GCLC: variants seen among roughly 807,000 people sequenced by gnomAD.
The protein encoded by GCLC is glutamate-cysteine ligase catalytic subunit.
Under a neutral mutation model 81.5 loss-of-function variants are expected in GCLC, and 30 were observed. That is an observed-to-expected ratio of 0.37 (90% confidence interval 0.28 to 0.50). GCLC has a LOEUF of 0.50. Among genes scored for constraint, GCLC ranks in the 20% least tolerant of loss-of-function variants. The probability of loss-of-function intolerance (pLI) is 0.96; values close to 1 mark genes in which losing one functional copy is unlikely to be tolerated. For synonymous variants in GCLC, 262 were observed against 273.3 expected, an observed-to-expected ratio of 0.96 and a Z score of 0.41; for missense variants, 556 against 777.4, an observed-to-expected ratio of 0.72 and a Z score of 3.39.
rs1215127637 is a variant in GCLC, at chr6:53,538,115, A to G, written c.150+6381T>C. Among the ~76,000 whole-genome samples, 5 of 141,656 alleles carry G rather than the reference A, an allele frequency of 3.5e-5. No homozygotes were observed. In the South Asian group the frequency reaches 9.1e-4, roughly 26 times the overall value. 92.9% of individuals were successfully genotyped at this position (141,656 alleles called of 152,430 possible). On this transcript the variant is annotated intron_variant, in intron 1 of 15. Transcript: ENST00000650454. The stretch of plus-strand genomic sequence containing the variant: ...TCATACACTTATTCATTAATAAGCT[A>G]GGCATTTTCTTTTTTCTTTCCTTTT...
chr6:53,520,871 T>C lies in GCLC; in HGVS notation c.353A>G (p.Asn118Ser). 1 of 1,614,032 alleles carries C rather than the reference T, an allele frequency of 6.2e-7. No homozygotes were observed. The highest frequency in any genetic ancestry group is 8.5e-7 in the Non-Finnish European group (1 of 1,179,842). Residue 118 changes from asparagine to serine, a missense_variant, in exon 3 of 16, where the codon AAT (asparagine) becomes AGT (serine). Coordinates refer to ENST00000650454, the MANE Select transcript of GCLC (RefSeq NM_001498.4). ...TTTTCGCATGTTGGCCTCAACTGTA[T>C]TGAACTCGGACATTGTTCCTCCGTA... ...QPYGGTMSEF[N>S]TVEANMRKRR...
intron 1 of GCLC, among the ~76,000 whole-genome samples, chr6:53,526,468 C>CT (rs562120006): frequency 6.6e-6 from 1 of 152,262 alleles, no homozygotes; most frequent in South Asian, 2.1e-4. Flanking sequence ...TTTTGATACT[C>CT]TACCTTAAGG....
intron 1 of GCLC, among the ~76,000 whole-genome samples, chr6:53,534,218 T>C (rs1369383755): frequency 1.3e-5 from 2 of 152,230 alleles, no homozygotes; most frequent in African/African-American, 4.8e-5. Flanking sequence ...TTTTACCAAA[T>C]ATCCAGTCAC....
At chr6:53,534,550 G>T (rs1188254483) in intron 1 of GCLC, among the ~76,000 whole-genome samples, 1 of 152,004 alleles carries the variant, frequency 6.6e-6, no homozygotes, top group African/African-American at 2.4e-5. Flanking sequence ...CTGCGTATCA[G>T]ATAAGAAAGG....
chr6:53,541,305 G>A (rs1022872260), intron 1 of GCLC, among the ~76,000 whole-genome samples: 3 of 152,188 alleles, frequency 2.0e-5, no homozygotes, highest in Admixed American at 6.5e-5. Flanking sequence ...TAGAACAAGC[G>A]CGGGGGAGAC....
At chr6:53,521,330 T>G (rs982314832) in intron 2 of GCLC, among the ~76,000 whole-genome samples, 1 of 152,050 alleles carries the variant, frequency 6.6e-6, no homozygotes, top group Admixed American at 6.6e-5. Flanking sequence ...AATTTTTGTA[T>G]TTTTAGTAGA....
intron 1 of GCLC, among the ~76,000 whole-genome samples, chr6:53,527,830 A>C (rs189609533): frequency 5.7e-4 from 86 of 152,076 alleles, no homozygotes; most frequent in Non-Finnish European, 1.1e-3. Context: ...ATAAAATTCA[A>C]CCTCCCATAG....
rs763523019 is a variant in GCLC at position 53,506,999 on chromosome 6, C to T, written c.1111G>A (p.Val371Ile). 1.1e-5 allele frequency: 17 copies of T among 1,608,994 alleles called. No individual in the cohort carries two copies. In the Middle Eastern group the frequency reaches 4.9e-4, roughly 47 times the overall value. Reference sequence around the variant, plus strand: ...GGGTCTCTAATAAAGAGATGAGCAACATGCTGGGCCAGGAGATGATCAATG... The same window carrying T: ...GGGTCTCTAATAAAGAGATGAGCAATATGCTGGGCCAGGAGATGATCAATG... ...EGIDHLLAQH[V>I]AHLFIRDPLT... Residue 371 changes from valine (V) to isoleucine (I), a missense_variant, in exon 10 of 16, where the codon GTT becomes ATT. By Grantham distance (29) the Val-to-Ile change is conservative. Around this residue, in one of 3 missense-constraint regions of GCLC, gnomAD observed 313 missense variants for 437.3 expected, o/e 0.72. Transcript: ENST00000650454. The surrounding 1 kb of genome is among the most constrained non-coding windows in gnomAD (Gnocchi z 4.0).
chr6:53,517,078 A>ATTTTTT (rs1242492685), intron 3 of GCLC, among the ~76,000 whole-genome samples: 1,245 of 105,084 alleles, frequency 0.012, 12 homozygotes, highest in Middle Eastern at 0.033. Flanking sequence ...TTTAAAAAAA[A>ATTTTTT]ATTTTTTTTT....
Position 53,545,025 on chromosome 6 carries a change from C to A in GCLC, c.-380G>T, listed in dbSNP as rs962404391. The A allele has an allele frequency of 1.2e-5, 2 of 165,932 alleles. No individual in the cohort carries two copies. Among genetic ancestry groups the A allele is most frequent in the Middle Eastern group, 2.5e-3 (1 of 394 alleles). The allele number at this position is 165,932 out of a possible 1,614,324, so 10.3% of individuals were successfully genotyped here. ...TCTCTTTGCCGGTCTGGTGCACTGG[C>A]TTCTTCCTACTTGTGACCAAAACCT... On this transcript the variant is annotated 5_prime_UTR_variant, in exon 1 of 16. Coordinates refer to ENST00000650454, the MANE Select transcript of GCLC (RefSeq NM_001498.4).
Position 53,520,759 on chromosome 6 carries a change from T to A in GCLC, c.446+19A>T, listed in dbSNP as rs1233414191. On this transcript the variant is annotated intron_variant, in intron 3 of 15. Coordinates refer to ENST00000650454, the MANE Select transcript of GCLC (RefSeq NM_001498.4). Reference sequence around the variant, plus strand: ...TATCTCTGAGAGATCTGCTGGGGCATGTTAATATAGGAACTAACCTGGGAA... The same window carrying A: ...TATCTCTGAGAGATCTGCTGGGGCAAGTTAATATAGGAACTAACCTGGGAA... 6.2e-7 allele frequency: 1 copy of A among 1,605,054 alleles called. No individual in the cohort carries two copies. The highest frequency in any genetic ancestry group is 1.7e-5 in the Admixed American group (1 of 60,024).
chr6:53,515,820 A>G (rs1022338059), intron 4 of GCLC, among the ~76,000 whole-genome samples: 2 of 152,148 alleles, frequency 1.3e-5, no homozygotes, highest in African/African-American at 4.8e-5. Flanking sequence ...CAGACCTAGG[A>G]CTGAAAATAA....
rs1378950996 is a variant in GCLC, at chr6:53,544,984, C to T, written c.-339G>A. 1 of 188,466 alleles carries T rather than the reference C, an allele frequency of 5.3e-6. No homozygotes were observed. Among genetic ancestry groups the T allele is most frequent in the Admixed American group, 6.2e-5 (1 of 16,182 alleles). 11.7% of individuals were successfully genotyped at this position (188,466 alleles called of 1,614,324 possible). On this transcript the variant is annotated 5_prime_UTR_variant, in exon 1 of 16. Coordinates refer to ENST00000650454, the MANE Select transcript of GCLC (RefSeq NM_001498.4). ...GCGGCGGACCCCACGGCCGCGCTGCCGCGGCGGCTCCCGCTTCTCTTTGCC... is the reference window on the plus strand; with the variant it reads ...GCGGCGGACCCCACGGCCGCGCTGCTGCGGCGGCTCCCGCTTCTCTTTGCC...
At chr6:53,515,660 A>G (rs17880455) in intron 4 of GCLC, among the ~76,000 whole-genome samples, 22 of 152,230 alleles carry the variant, frequency 1.4e-4, no homozygotes, top group African/African-American at 5.3e-4. Context: ...CTTGAAGTTA[A>G]TGGAAGAGAG....
At chr6:53,544,285 G>T (rs1352190067) in intron 1 of GCLC, among the ~76,000 whole-genome samples, 1 of 152,200 alleles carries the variant, frequency 6.6e-6, no homozygotes, top group African/African-American at 2.4e-5. Context: ...AAGAATGAAT[G>T]AACAAGAAAG....
At chr6:53,510,184 A>C (rs1472980045) in intron 6 of GCLC, 2 of 152,152 alleles carry the variant, frequency 1.3e-5, no homozygotes, top group African/African-American at 4.8e-5. Context: ...AGAGATAAAG[A>C]GGTGTCATGA....
In GCLC at chr6:53,544,577, C is replaced by G; in HGVS notation, c.69G>C (p.Arg23=). ...EETKRHADHV[R]RHGILQFLHI... ...GCAGGAACTGGAGGATCCCGTGCCG[C>G]CGCACGTGGTCGGCATGGCGCTTGG... Residue 23 remains arginine (R), a synonymous_variant, in exon 1 of 16, where the codon CGG becomes CGC. Transcript: ENST00000650454. 6.2e-7 allele frequency: 1 copy of G among 1,606,752 alleles called. No homozygotes were observed. The highest frequency in any genetic ancestry group is 1.1e-5 in the South Asian group (1 of 91,074).
At chr6:53,544,392 G>A in intron 1 of GCLC, 104 bp downstream of exon 1, 1 of 1,250,936 alleles carries the variant, frequency 8.0e-7, no homozygotes, top group South Asian at 1.3e-5. Context: ...CGGGCGCAGT[G>A]GAGAACGCGG....
chr6:53,526,508 G>T (rs1763083113), intron 1 of GCLC, among the ~76,000 whole-genome samples: 1 of 152,128 alleles, frequency 6.6e-6, no homozygotes, highest in Admixed American at 6.5e-5. Context: ...TAGAATTTGA[G>T]GAATGGCAGG....
Sources: gnomAD v4.1 joint callset for allele counts (sites outside exome capture counted in the v4.1 genomes callset) on GRCh38, gnomAD v4.1.1 for gene constraint, gnomAD v4.1.1 regional missense constraint, Gnocchi (gnomAD v3.1) non-coding constraint, MANE v1.5 for transcripts, NCBI Gene and HGNC (gene_info 2026-07-23, HGNC 2026-07-21) for gene names.